Variants in CHIC1 observed in about 807,000 individuals in gnomAD.
The protein encoded by CHIC1 is cysteine rich hydrophobic domain 1.
In CHIC1, 7 loss-of-function variants were observed where a neutral mutation model predicts 18.5. That is an observed-to-expected ratio of 0.38 (90% CI 0.22 to 0.71). CHIC1 has a LOEUF of 0.71. CHIC1 is among the 30% of genes least tolerant of loss of function. The pLI is 0.49. For missense variants in CHIC1, 159 were observed against 176.9 expected, an observed-to-expected ratio of 0.90 and a Z score of 0.57; for synonymous variants, 77 against 73.5, an observed-to-expected ratio of 1.05 and a Z score of -0.25.
chrX:73,625,422 A>G (rs1320291489), intron 3 of CHIC1, among the ~76,000 whole-genome samples: 3 of 111,802 alleles, frequency 2.7e-5, no homozygotes, highest in African/African-American at 9.8e-5. Flanking sequence ...ACTTGCTGCA[A>G]GGTGGGGAAG....
At chrX:73,567,652 A>G (rs1029568793) in intron 1 of CHIC1, among the ~76,000 whole-genome samples, 1 of 110,940 alleles carries the variant, frequency 9.0e-6, no homozygotes, top group African/African-American at 3.3e-5. Context: ...CACTTTTCCT[A>G]CTTAAGATTA....
intron 3 of CHIC1, among the ~76,000 whole-genome samples, chrX:73,610,222 A>G (rs940691939): frequency 9.1e-6 from 1 of 109,389 alleles, no homozygotes; most frequent in African/African-American, 3.5e-5. Context: ...ATTTTTTAAT[A>G]GCAGTTTTTG....
chrX:73,676,719 T>A (rs1228375180), intron 3 of CHIC1, among the ~76,000 whole-genome samples: 5 of 112,136 alleles, frequency 4.5e-5, no homozygotes, highest in African/African-American at 1.6e-4. Context: ...TTTGAAGCCT[T>A]CTTCTCTCAA....
intron 1 of CHIC1, among the ~76,000 whole-genome samples, chrX:73,575,477 A>G (rs1280858848): frequency 1.8e-5 from 2 of 110,377 alleles, no homozygotes; most frequent in Non-Finnish European, 3.8e-5. Context: ...AGCCTAGTAC[A>G]CACCTAAGCT....
intron 3 of CHIC1, among the ~76,000 whole-genome samples, chrX:73,612,547 C>T (rs750977823): frequency 1.7e-4 from 19 of 111,427 alleles, no homozygotes; most frequent in Non-Finnish European, 3.4e-4. Context: ...TTATTTCATC[C>T]CTAATTTCTT....
At chrX:73,590,668 C>T (rs998975278) in intron 3 of CHIC1, among the ~76,000 whole-genome samples, 7 of 111,404 alleles carry the variant, frequency 6.3e-5, no homozygotes, top group Non-Finnish European at 1.3e-4. Context: ...TTTATTGTCT[C>T]CATAGGTTTG....
rs980206100 is a variant in CHIC1, at chrX:73,681,459, A to G, written c.*454A>G. On this transcript the variant is annotated 3_prime_UTR_variant, in exon 6 of 6. Transcript: ENST00000373502. ...AATGGTTTTACTCTGCTTTTAAAGG[A>G]CATGCTTTTAAAGGACATGCAATTA... 8.8e-6 allele frequency: 1 copy of G among 113,775 alleles called. No individual in the cohort carries two copies. The highest frequency in any genetic ancestry group is 1.8e-5 in the Non-Finnish European group (1 of 54,237). The allele number at this position is 113,775 out of a possible 1,213,427, so 9.4% of individuals were successfully genotyped here. A position where few individuals can be genotyped will look rare whatever the true frequency, so the allele number is the denominator to read the frequency against.
chrX:73,642,494 C>A lies in CHIC1; in HGVS notation c.508-36832C>A, dbSNP rs1167277794. ...TGCCTGTTCACTCTGATGGTAGTTT[C>A]TTTTGCTGTGCAGAAGCTCTTTAGT... On this transcript the variant is annotated intron_variant, in intron 3 of 5. Coordinates refer to ENST00000373502, the MANE Select transcript of CHIC1 (RefSeq NM_001039840.4). Among the ~76,000 whole-genome samples the A allele has an allele frequency of 8.1e-4, 86 of 106,813 alleles. 1 individual carries two copies. The highest frequency in any genetic ancestry group is 1.2e-3 in the Non-Finnish European group (63 of 51,342). The allele number at this position is 106,813 out of a possible 115,157, so 92.8% of individuals were successfully genotyped here. A position where few individuals can be genotyped will look rare whatever the true frequency, so the allele number is the denominator to read the frequency against.
intron 2 of CHIC1, chrX:73,578,698 A>G (rs192546549): frequency 9.1e-6 from 1 of 110,476 alleles, no homozygotes; most frequent in African/African-American, 3.3e-5. Context: ...GTATTTTTAC[A>G]TAAAGAAATT....
chrX:73,591,609 T>C (rs1484221286), intron 3 of CHIC1, among the ~76,000 whole-genome samples: 2 of 111,640 alleles, frequency 1.8e-5, no homozygotes, highest in Non-Finnish European at 3.8e-5. Context: ...TTTATGCATC[T>C]TGCTTTCTGG....
At chrX:73,640,294 G>T (rs2057849343) in intron 3 of CHIC1, among the ~76,000 whole-genome samples, 1 of 111,919 alleles carries the variant, frequency 8.9e-6, no homozygotes, top group Non-Finnish European at 1.9e-5. Flanking sequence ...TAATCATGTG[G>T]TTTTTGTTTT....
intron 3 of CHIC1, among the ~76,000 whole-genome samples, chrX:73,650,659 A>G (rs1733717149): frequency 9.5e-6 from 1 of 105,235 alleles, no homozygotes; most frequent in Non-Finnish European, 1.9e-5. Flanking sequence ...ATAGACCAAT[A>G]ACAAGTTCTG....
chrX:73,634,033 CTA>C (rs2057820567), intron 3 of CHIC1, among the ~76,000 whole-genome samples: 1 of 111,933 alleles, frequency 8.9e-6, no homozygotes, highest in East Asian at 2.8e-4. Context: ...TGTGGATTCT[CTA>C]TTTATTCAGG....
Position 73,596,726 on chromosome X carries a change from C to T in CHIC1, c.507+12154C>T, listed in dbSNP as rs770574381. On this transcript the variant is annotated intron_variant, in intron 3 of 5. Transcript: ENST00000373502. ...CAGAGGCCTCAGAAATAACACCACACACCTACAATCACCTGATCTTTGACA... is the reference window on the plus strand; with the variant it reads ...CAGAGGCCTCAGAAATAACACCACATACCTACAATCACCTGATCTTTGACA... Among the ~76,000 whole-genome samples the T allele has an allele frequency of 3.6e-5, 4 of 110,610 alleles. No homozygotes were observed. In the East Asian group the frequency reaches 1.2e-3, roughly 32 times the overall value.
intron 2 of CHIC1, chrX:73,578,847 T>A (rs2057513192): frequency 9.1e-6 from 1 of 110,246 alleles, no homozygotes; most frequent in African/African-American, 3.3e-5. Context: ...CATGTGACTA[T>A]ATTACCTTTT....
chrX:73,595,788 A>G (rs781078900), intron 3 of CHIC1, among the ~76,000 whole-genome samples: 1 of 111,197 alleles, frequency 9.0e-6, no homozygotes, highest in Non-Finnish European at 1.9e-5. Context: ...TACACTCCCA[A>G]CATCTGTGTA....
At chrX:73,628,463 A>G (rs772259072) in intron 3 of CHIC1, among the ~76,000 whole-genome samples, 2 of 112,045 alleles carry the variant, frequency 1.8e-5, no homozygotes, top group East Asian at 5.7e-4. Context: ...CAAGTTCCGA[A>G]TACTGGAATC....
At chrX:73,677,994 T>TGC (rs1569506021) in intron 3 of CHIC1, among the ~76,000 whole-genome samples, 34 of 110,069 alleles carry the variant, frequency 3.1e-4, no homozygotes, top group African/African-American at 1.1e-3. Context: ...GGAGGTTGTT[T>TGC]TTTTTTTTTT....
At position 73,680,143 on chromosome X, in the gene CHIC1, C is replaced by T. The variant is rs1450561216; in HGVS notation, c.624+430C>T. On this transcript the variant is annotated intron_variant, in intron 5 of 5. Transcript: ENST00000373502. ...TGACATTTAACTTTTAGTGAAGAAA[C>T]TGTAGGTTCTAATTTTTGTTTTAAC... 8.2e-5 allele frequency among the ~76,000 whole-genome samples: 8 copies of T among 97,062 alleles called. No homozygotes were observed. The Admixed American group carries it at 9.4e-4, about 11-fold the overall frequency. 84.3% of individuals were successfully genotyped at this position (97,062 alleles called of 115,157 possible).
Sources: allele counts gnomAD v4.1 joint callset (sites outside exome capture counted in the v4.1 genomes callset), GRCh38; gene constraint gnomAD v4.1.1; transcripts MANE v1.5; gene names NCBI Gene and HGNC (gene_info 2026-07-23, HGNC 2026-07-21).